Variants in NAV3 observed in about 807,000 individuals in gnomAD.
NAV3 encodes pore membrane and/or filament interacting like protein 1.
Under a neutral mutation model 244.7 loss-of-function variants are expected in NAV3, and 87 were observed. The ratio of observed to expected loss-of-function variants is 0.36; its 90% CI spans 0.30 to 0.42. The LOEUF is 0.42. NAV3 is among the 20% of genes least tolerant of loss of function. The pLI is 1.00. For synonymous variants in NAV3, 1,126 were observed against 1,042.2 expected, an observed-to-expected ratio of 1.08 and a Z score of -1.55; for missense variants, 2,663 against 2,893.3, an observed-to-expected ratio of 0.92 and a Z score of 1.83.
At chr12:77,859,369 T>C (rs1878862671) in intron 1 of NAV3, among the ~76,000 whole-genome samples, 1 of 152,050 alleles carries the variant, frequency 6.6e-6, no homozygotes, top group African/African-American at 2.4e-5. Context: ...TAACTCCTAC[T>C]TTAAAATTAT....
intron 1 of NAV3, among the ~76,000 whole-genome samples, chr12:77,929,070 T>C (rs1409777014): frequency 2.0e-5 from 3 of 152,162 alleles, no homozygotes; most frequent in African/African-American, 4.8e-5. Flanking sequence ...TCAGAGTACT[T>C]GAAAAGTTAA....
intron 31 of NAV3, 151 bp downstream of exon 31, chr12:78,185,849 A>G (rs1438083563): frequency 3.2e-6 from 2 of 627,752 alleles, no homozygotes; most frequent in African/African-American, 3.7e-5. Context: ...TGAAAAGGAC[A>G]ATAAAATGAT....
intron 12 of NAV3, among the ~76,000 whole-genome samples, chr12:78,078,482 G>A (rs1178784958): frequency 1.6e-5 from 2 of 127,306 alleles, no homozygotes; most frequent in African/African-American, 5.8e-5. Flanking sequence ...CGCAAGCTCC[G>A]CCTCCCGGGT....
chr12:78,135,474 C>T (rs570224078), intron 18 of NAV3, among the ~76,000 whole-genome samples: 8 of 152,118 alleles, frequency 5.3e-5, no homozygotes, highest in Non-Finnish European at 1.2e-4. Context: ...TGTAGAAGTA[C>T]ACTTCACTTG....
chr12:77,919,705 C>G (rs1887518378), intron 1 of NAV3, among the ~76,000 whole-genome samples: 1 of 152,012 alleles, frequency 6.6e-6, no homozygotes, highest in African/African-American at 2.4e-5. Flanking sequence ...ACATCTGTTT[C>G]CTTATGAGAA....
chr12:77,805,844 A>T (rs1304195805), intron 2 of NAV3, among the ~76,000 whole-genome samples: 1 of 151,968 alleles, frequency 6.6e-6, no homozygotes, highest in Non-Finnish European at 1.5e-5. Context: ...CAATTTCAGA[A>T]CTTGTTATTG....
At chr12:77,600,976 CA>C (rs1422237181) in intron 2 of NAV3, among the ~76,000 whole-genome samples, 6 of 152,012 alleles carry the variant, frequency 3.9e-5, no homozygotes, top group African/African-American at 1.4e-4. Flanking sequence ...AAAGAAGATA[CA>C]AATTATCAGC....
chr12:77,697,525 T>G (rs992118798), intron 2 of NAV3, among the ~76,000 whole-genome samples: 7 of 152,198 alleles, frequency 4.6e-5, no homozygotes, highest in African/African-American at 1.7e-4. Context: ...GCCCCAATCT[T>G]TATTTCTCAT....
Position 78,179,695 on chromosome 12 carries a change from G to C in NAV3, c.5517+13G>C, listed in dbSNP as rs1268195646. 3.1e-6 allele frequency: 5 copies of C among 1,599,834 alleles called. No homozygotes were observed. On this transcript the variant is annotated intron_variant, in intron 29 of 39. Transcript: ENST00000397909. ...GAACCGGATGCAGGTTGGTACTGAAGCACTTTCAAGGAATAAAATGGAGAA... is the reference window on the plus strand; with the variant it reads ...GAACCGGATGCAGGTTGGTACTGAACCACTTTCAAGGAATAAAATGGAGAA...
chr12:77,719,339 T>C (rs1390718206), intron 2 of NAV3, among the ~76,000 whole-genome samples: 3 of 152,104 alleles, frequency 2.0e-5, no homozygotes, highest in African/African-American at 7.2e-5. Context: ...CTTCCTGTAC[T>C]ATGTTGAATA....
intron 2 of NAV3, among the ~76,000 whole-genome samples, chr12:77,781,518 T>G (rs1870659768): frequency 6.6e-6 from 1 of 152,120 alleles, no homozygotes; most frequent in African/African-American, 2.4e-5. Flanking sequence ...CCCCACCCCC[T>G]GCTTTGAGTT....
chr12:77,766,738 T>TGTTTTTTTTTTTTTG (rs71088336), intron 2 of NAV3, among the ~76,000 whole-genome samples: 2 of 19,608 alleles, frequency 1.0e-4, no homozygotes, highest in Admixed American at 1.1e-3. Context: ...CAATTAAGTT[T>TGTTTTTTTTTTTTTG]TTTTTTTTTT....
chr12:78,037,476 T>G (rs1880099239), intron 9 of NAV3: 1 of 602,694 alleles, frequency 1.7e-6, no homozygotes, highest in African/African-American at 1.9e-5. Context: ...CAAATAGCTT[T>G]CATGTTTTTA....
rs17044315 is a variant in NAV3, at chr12:77,832,398, T to C, written c.243+694T>C. ...CCAGTCACGCATGCTAGAATGGCAC[T>C]GAAGCTGCTGAACTTCATGCGGATT... On this transcript the variant is annotated intron_variant, in intron 1 of 39. Transcript: ENST00000397909. Among the ~76,000 whole-genome samples, 1,065 of 152,332 alleles carry C rather than the reference T, an allele frequency of 7.0e-3. 14 individuals carry two copies. The highest frequency in any genetic ancestry group is 0.024 in the African/African-American group (1,017 of 41,578).
chr12:78,156,214 G>A (rs1321715359), intron 22 of NAV3, among the ~76,000 whole-genome samples: 2 of 151,918 alleles, frequency 1.3e-5, no homozygotes, highest in African/African-American at 4.8e-5. Flanking sequence ...TTCTGTATAT[G>A]GCTAGTCAGT....
chr12:77,862,878 G>A (rs1409355733), intron 1 of NAV3, among the ~76,000 whole-genome samples: 1 of 151,360 alleles, frequency 6.6e-6, no homozygotes, highest in Non-Finnish European at 1.5e-5. Context: ...GGAGGATACT[G>A]TCATATTCAA....
At chr12:77,845,742 C>T (rs964864539) in intron 1 of NAV3, among the ~76,000 whole-genome samples, 3 of 151,540 alleles carry the variant, frequency 2.0e-5, no homozygotes, top group Non-Finnish European at 4.4e-5. Flanking sequence ...CAACATCCGC[C>T]TCCTGGGTTC....
chr12:77,660,820 A>T (rs1873408031), intron 2 of NAV3, among the ~76,000 whole-genome samples: 1 of 152,148 alleles, frequency 6.6e-6, no homozygotes, highest in South Asian at 2.1e-4. Flanking sequence ...CTTTCCTATA[A>T]ATATTGTAAA....
intron 3 of NAV3, among the ~76,000 whole-genome samples, chr12:77,945,527 G>A (rs1016604775): frequency 6.6e-6 from 1 of 152,050 alleles, no homozygotes; most frequent in Non-Finnish European, 1.5e-5. Flanking sequence ...GTTCTGTAGG[G>A]TATAATGTAC....
Sources: gnomAD v4.1 joint callset for allele counts (sites outside exome capture counted in the v4.1 genomes callset) on GRCh38, gnomAD v4.1.1 for gene constraint, MANE v1.5 for transcripts, NCBI Gene and HGNC (gene_info 2026-07-23, HGNC 2026-07-21) for gene names.